The following NBEAL1 variants were observed in gnomAD, a reference collection of about 807,000 sequenced individuals.
The protein encoded by NBEAL1 is neurobeachin like 1.
A neutral mutation model predicts 351.3 loss-of-function variants in NBEAL1; 273 were observed. The observed-to-expected ratio is 0.78, with a 90% CI of 0.70 to 0.86. The LOEUF (loss-of-function observed/expected upper bound fraction) is 0.86, where lower values mean the gene tolerates loss of function less well. Among genes scored for constraint, NBEAL1 ranks in the 40% least tolerant of loss-of-function variants. The pLI is 0.00. For missense variants in NBEAL1, 2,961 were observed against 3,201.3 expected (o/e 0.92, Z 1.81); for synonymous variants, 1,050 against 1,086.4 (o/e 0.97, Z 0.66).
At chr2:203,069,857 A>C (rs2061652446) in intron 7 of NBEAL1, among the ~76,000 whole-genome samples, 1 of 152,152 alleles carries the variant, frequency 6.6e-6, no homozygotes, top group Admixed American at 6.5e-5. Context: ...ACAAAGTCTC[A>C]CTATGTTGCC....
chr2:203,083,402 G>A lies in NBEAL1; in HGVS notation c.868G>A (p.Glu290Lys), dbSNP rs1290874557. The change falls in exon 9 of 56, where the codon GAA becomes AAA. Residue 290 changes from glutamate to lysine, a missense_variant. Transcript: ENST00000683969. ...TAGCAACTCTGATCAGCGTCAAGTG[G>A]AAACCAGTACTATTCTGGAGAACTA... ...LSSNSDQRQVETSTILENYFK... is the reference protein window; with the variant it reads ...LSSNSDQRQVKTSTILENYFK... The A allele has an allele frequency of 6.4e-7, 1 of 1,555,276 alleles. No individual in the cohort carries two copies. Among genetic ancestry groups the A allele is most frequent in the Non-Finnish European group, 8.7e-7 (1 of 1,147,942 alleles).
chr2:203,191,466 A>C (rs538677303), intron 46 of NBEAL1: 2 of 500,004 alleles, frequency 4.0e-6, no homozygotes, highest in African/African-American at 3.9e-5. Flanking sequence ...AGATTAATGG[A>C]AATTAATCTA....
At chr2:203,065,753 GAA>G (rs879711650) in intron 6 of NBEAL1, among the ~76,000 whole-genome samples, 1 of 140,860 alleles carries the variant, frequency 7.1e-6, no homozygotes. Context: ...CTCTGTCTCA[GAA>G]AAAAAAAAAG....
At chr2:203,159,940 T>C (rs560123044) in intron 36 of NBEAL1, among the ~76,000 whole-genome samples, 1 of 152,134 alleles carries the variant, frequency 6.6e-6, no homozygotes, top group East Asian at 1.9e-4. Context: ...ATAGCCATCC[T>C]AGATGGTTTG....
intron 2 of NBEAL1, among the ~76,000 whole-genome samples, chr2:203,022,994 G>A (rs2060794418): frequency 1.3e-5 from 2 of 152,108 alleles, no homozygotes; most frequent in Non-Finnish European, 1.5e-5. Flanking sequence ...TGAGCTCAGA[G>A]TAAACTTCCT....
chr2:203,174,216 CAAAAAAAAAAAAA>C (rs10652390), intron 41 of NBEAL1, among the ~76,000 whole-genome samples: 8 of 24,592 alleles, frequency 3.3e-4, no homozygotes, highest in Admixed American at 7.3e-4. Context: ...TTTATACTAG[CAAAAAAAAAAAAA>C]AAAAAAAAAA....
intron 2 of NBEAL1, among the ~76,000 whole-genome samples, chr2:203,029,320 T>C (rs991641132): frequency 1.3e-5 from 2 of 152,194 alleles, no homozygotes; most frequent in Admixed American, 6.5e-5. Flanking sequence ...CTGACCACCA[T>C]GTGTGAAACT....
intron 34 of NBEAL1, among the ~76,000 whole-genome samples, chr2:203,149,769 C>T (rs2063603057): frequency 6.6e-6 from 1 of 152,110 alleles, no homozygotes; most frequent in Admixed American, 6.6e-5. Flanking sequence ...AATCAGCTTT[C>T]TGACTGTATT....
intron 47 of NBEAL1, among the ~76,000 whole-genome samples, chr2:203,195,583 T>C (rs896921399): frequency 2.6e-5 from 4 of 152,168 alleles, no homozygotes; most frequent in African/African-American, 9.7e-5. Flanking sequence ...TAACATGTAG[T>C]TGTAGTCATG....
intron 6 of NBEAL1, among the ~76,000 whole-genome samples, chr2:203,060,199 A>G (rs1383257159): frequency 1.3e-5 from 2 of 152,256 alleles, no homozygotes; most frequent in Admixed American, 1.3e-4. Context: ...AGCAAAATGA[A>G]TTTAAAGATG....
intron 7 of NBEAL1, among the ~76,000 whole-genome samples, chr2:203,077,383 AAG>A (rs1304936045): frequency 3.3e-5 from 5 of 152,126 alleles, no homozygotes; most frequent in Admixed American, 1.3e-4. Flanking sequence ...GGAAAAAAAA[AAG>A]AGAGAGACAT....
intron 33 of NBEAL1, among the ~76,000 whole-genome samples, chr2:203,148,651 A>G (rs1012776116): frequency 6.6e-6 from 1 of 152,074 alleles, no homozygotes; most frequent in Non-Finnish European, 1.5e-5. Context: ...AAAAGATCCC[A>G]GAGGAAAATT....
At position 203,131,990 on chromosome 2, in the gene NBEAL1, G is replaced by C; in HGVS notation, c.3582G>C (p.Leu1194Phe). Residue 1194 changes from leucine (L) to phenylalanine (F), a missense_variant, in exon 26 of 56, where the codon TTG becomes TTC. Leu to Phe is a conservative substitution (Grantham distance 22, BLOSUM62 0). Transcript: ENST00000683969. ...GTGACCAGATTATGGAACAAATGTT[G>C]AAATGCACGAACGTTTATGAGCGTA... ...EIIFKIMEQM[L>F]KCTNVYERSK... 1 of 1,541,086 alleles carries C rather than the reference G, an allele frequency of 6.5e-7. No homozygotes were observed. Among genetic ancestry groups the C allele is most frequent in the Non-Finnish European group, 8.8e-7 (1 of 1,142,432 alleles).
chr2:203,099,535 T>C, intron 11 of NBEAL1, 94 bp from the exon 12 acceptor site: 1 of 727,510 alleles, frequency 1.4e-6, no homozygotes, highest in Non-Finnish European at 2.3e-6. Context: ...TGTTAAGTAA[T>C]TATTTTTTCA....
chr2:203,183,628 A>G (rs949324466), intron 44 of NBEAL1, among the ~76,000 whole-genome samples: 6 of 152,172 alleles, frequency 3.9e-5, no homozygotes, highest in Admixed American at 3.9e-4. Context: ...TAAACATTTC[A>G]GCTCTGTAAA....
At chr2:203,028,906 C>T (rs1205909929) in intron 2 of NBEAL1, among the ~76,000 whole-genome samples, 2 of 152,112 alleles carry the variant, frequency 1.3e-5, no homozygotes, top group African/African-American at 2.4e-5. Flanking sequence ...CCTGTCCCCA[C>T]ACATGCACAA....
At chr2:203,159,483 T>C (rs897202408) in intron 36 of NBEAL1, among the ~76,000 whole-genome samples, 1 of 152,220 alleles carries the variant, frequency 6.6e-6, no homozygotes, top group Non-Finnish European at 1.5e-5. Context: ...TTATTTTCAT[T>C]TGGAATAATG....
chr2:203,076,589 C>CTTT (rs369481909), intron 7 of NBEAL1, among the ~76,000 whole-genome samples: 50 of 109,206 alleles, frequency 4.6e-4, no homozygotes, highest in East Asian at 8.2e-4. Context: ...GTACTATGTA[C>CTTT]TTTTTTTTTT....
chr2:203,183,312 A>G lies in NBEAL1; in HGVS notation c.6629A>G (p.Glu2210Gly), dbSNP rs2064788023. The part of the protein sequence containing the change: ...FNLGRLQISK[E>G]LVNDVILPKW... ...TTGGGTCGTCTACAGATTTCCAAAG[A>G]ATTAGTAAATGATGTCATTCTCCCG... The change falls in exon 44 of 56, where the codon GAA becomes GGA. Residue 2210 changes from glutamate (E) to glycine (G), a missense_variant. Glu to Gly is a moderately conservative substitution (Grantham distance 98, BLOSUM62 -2). Coordinates refer to ENST00000683969, the MANE Select transcript of NBEAL1 (RefSeq NM_001378026.1). 5 of 1,598,238 alleles carry G rather than the reference A, an allele frequency of 3.1e-6. No homozygotes were observed. Among genetic ancestry groups the G allele is most frequent in the Non-Finnish European group, 4.3e-6 (5 of 1,172,890 alleles).
Sources: gnomAD v4.1 joint callset for allele counts (sites outside exome capture counted in the v4.1 genomes callset) on GRCh38, gnomAD v4.1.1 for gene constraint, MANE v1.5 for transcripts, NCBI Gene and HGNC (gene_info 2026-07-23, HGNC 2026-07-21) for gene names.